NFE2L2: variants seen among roughly 807,000 people sequenced by gnomAD.
NFE2L2 encodes the protein nuclear factor erythroid 2-related factor 2.
In NFE2L2, 20 loss-of-function variants were observed where a neutral mutation model predicts 49.6. The observed-to-expected ratio is 0.40, with a 90% confidence interval of 0.28 to 0.59. The LOEUF is 0.59. Ranked by LOEUF, NFE2L2 falls within the 20% of genes least tolerant of loss-of-function variation. The pLI is 0.40. For missense variants in NFE2L2, 578 were observed against 714.2 expected (o/e 0.81, Z 2.17); for synonymous variants, 244 against 256.5 (o/e 0.95, Z 0.47).
intron 1 of NFE2L2, chr2:177,263,321 G>T (rs2105500587): frequency 1.0e-6 from 1 of 966,364 alleles, no homozygotes; most frequent in Non-Finnish European, 1.2e-6. Context: ...AAAGTACTCA[G>T]GGGAGAAATA....
At chr2:177,243,104 G>C (rs1027014903) in intron 1 of NFE2L2, among the ~76,000 whole-genome samples, 1 of 152,148 alleles carries the variant, frequency 6.6e-6, no homozygotes, top group African/African-American at 2.4e-5. Context: ...CCTCCACAGA[G>C]AGGAACTTCT....
chr2:177,258,420 A>T (rs1690609768), intron 1 of NFE2L2, among the ~76,000 whole-genome samples: 1 of 152,190 alleles, frequency 6.6e-6, no homozygotes, highest in South Asian at 2.1e-4. Flanking sequence ...AAAATAACTG[A>T]GTAGTTACCA....
chr2:177,256,164 C>T (rs1168059961), intron 1 of NFE2L2, among the ~76,000 whole-genome samples: 1 of 152,110 alleles, frequency 6.6e-6, no homozygotes, highest in Non-Finnish European at 1.5e-5. Flanking sequence ...AGTCAGCCCT[C>T]AAACACCTCA....
intron 1 of NFE2L2, 85 bp downstream of exon 1, chr2:177,264,447 C>T: frequency 4.3e-6 from 6 of 1,397,232 alleles, no homozygotes; most frequent in Middle Eastern, 2.3e-4. Context: ...AAGCCGGTTG[C>T]GGCTGTCCCT....
At chr2:177,247,336 C>T (rs967003266) in intron 1 of NFE2L2, among the ~76,000 whole-genome samples, 6 of 151,952 alleles carry the variant, frequency 3.9e-5, no homozygotes, top group Non-Finnish European at 7.4e-5. Flanking sequence ...GGGCCCTTCC[C>T]ACTATCTCTT....
intron 1 of NFE2L2, among the ~76,000 whole-genome samples, chr2:177,249,548 A>T (rs935517495): frequency 6.6e-6 from 1 of 152,272 alleles, no homozygotes; most frequent in African/African-American, 2.4e-5. Context: ...CTAAAGCAGC[A>T]CTAATAGAAA....
chr2:177,235,947 G>C (rs1689735073), intron 1 of NFE2L2, among the ~76,000 whole-genome samples: 2 of 152,108 alleles, frequency 1.3e-5, no homozygotes, highest in South Asian at 4.1e-4. Flanking sequence ...TTTAGTCTTT[G>C]GAAAAATCTA....
intron 1 of NFE2L2, among the ~76,000 whole-genome samples, chr2:177,247,339 TA>T (rs1362331452): frequency 2.0e-5 from 3 of 151,956 alleles, no homozygotes; most frequent in African/African-American, 7.2e-5. Context: ...CCCTTCCCAC[TA>T]TCTCTTAACA....
In NFE2L2 at chr2:177,244,367, C is replaced by T. The variant is rs149487711; in HGVS notation, c.46-10096G>A. Among the ~76,000 whole-genome samples the T allele has an allele frequency of 3.0e-3, 454 of 151,932 alleles. 8 individuals carry two copies. The East Asian group carries it at 0.046, about 15-fold the overall frequency. On this transcript the variant is annotated intron_variant, in intron 1 of 4. Transcript: ENST00000397062. Reference sequence around the variant, plus strand: ...TTATAAAGGTAGTAGTCAAGATCAACAAGATTAGTGTAAATACCCTAAGTG... The same window carrying T: ...TTATAAAGGTAGTAGTCAAGATCAATAAGATTAGTGTAAATACCCTAAGTG...
chr2:177,238,971 C>T (rs2105466372), intron 1 of NFE2L2, among the ~76,000 whole-genome samples: 1 of 152,260 alleles, frequency 6.6e-6, no homozygotes, highest in East Asian at 1.9e-4. Context: ...TGCATACACT[C>T]TAATATAAAT....
At chr2:177,242,758 G>C (rs571503540) in intron 1 of NFE2L2, among the ~76,000 whole-genome samples, 1 of 152,294 alleles carries the variant, frequency 6.6e-6, no homozygotes, top group East Asian at 1.9e-4. Context: ...ATTTTCTCAA[G>C]AGGCACATGC....
rs151304786 is a variant in NFE2L2 at position 177,245,915 on chromosome 2, T to G, written c.46-11644A>C. 6.7e-4 allele frequency among the ~76,000 whole-genome samples: 102 copies of G among 152,278 alleles called. 1 individual carries two copies. Among genetic ancestry groups the G allele is most frequent in the African/African-American group, 2.4e-3 (98 of 41,540 alleles). ...ATGAGCCACTGCGTCCAGCCTGTAA[T>G]CTTCATTTCTAGATGAACACGTTGA... On this transcript the variant is annotated intron_variant, in intron 1 of 4. Transcript: ENST00000397062.
intron 2 of NFE2L2, 170 bp from the exon 3 acceptor site, chr2:177,233,509 CA>C: frequency 1.7e-6 from 1 of 595,810 alleles, no homozygotes; most frequent in Non-Finnish European, 2.9e-6. Context: ...CACATGGGTT[CA>C]GATCTTAGCT....
intron 1 of NFE2L2, among the ~76,000 whole-genome samples, chr2:177,249,915 T>G (rs1030782634): frequency 6.6e-6 from 1 of 152,204 alleles, no homozygotes; most frequent in African/African-American, 2.4e-5. Flanking sequence ...TGAGGGACAG[T>G]GCAGTATAAA....
At chr2:177,252,254 C>T (rs1690369126) in intron 1 of NFE2L2, among the ~76,000 whole-genome samples, 1 of 152,116 alleles carries the variant, frequency 6.6e-6, no homozygotes, top group African/African-American at 2.4e-5. Flanking sequence ...TACTCCTCAC[C>T]TCACAGGGCG....
intron 1 of NFE2L2, among the ~76,000 whole-genome samples, chr2:177,242,421 C>A (rs374242757): frequency 6.6e-6 from 1 of 152,152 alleles, no homozygotes; most frequent in Non-Finnish European, 1.5e-5. Flanking sequence ...ATAAAAAAGC[C>A]CAAATACACA....
chr2:177,264,544 G>A lies in NFE2L2; in HGVS notation c.33C>T (p.Leu11=), dbSNP rs1351768579. The stretch of plus-strand genomic sequence containing the variant: ...GCCGAGGCAGCACCTGCTGGGACGG[G>A]AGTCCCGGCGGCGGCAGCTCCAAGT... MMDLELPPPG[L]PSQQDMDLID... Residue 11 remains leucine, a synonymous_variant, in exon 1 of 5, where the codon CTC becomes CTT. Coordinates refer to ENST00000397062, the MANE Select transcript of NFE2L2 (RefSeq NM_006164.5). 4 of 1,522,376 alleles carry A rather than the reference G, an allele frequency of 2.6e-6. No individual in the cohort carries two copies. The highest frequency in any genetic ancestry group is 2.6e-6 in the Non-Finnish European group (3 of 1,133,994). 94.3% of individuals were successfully genotyped at this position (1,522,376 alleles called of 1,614,324 possible).
At position 177,249,454 on chromosome 2, in the gene NFE2L2, A is replaced by C. The variant is rs1488749935; in HGVS notation, c.45+15078T>G. Among the ~76,000 whole-genome samples, 3 of 152,158 alleles carry C rather than the reference A, an allele frequency of 2.0e-5. No individual in the cohort carries two copies. The East Asian group carries it at 5.8e-4, about 29-fold the overall frequency. On this transcript the variant is annotated intron_variant, in intron 1 of 4. Coordinates refer to ENST00000397062, the MANE Select transcript of NFE2L2 (RefSeq NM_006164.5). ...GTTGGAGCTGGATTAGGTGACCCCC[A>C]AGATCCTTTCCTCTAAATACCTCTG... is the stretch of plus-strand genomic sequence containing the variant.
chr2:177,263,448 T>C (rs763552029), intron 1 of NFE2L2: 4 of 985,366 alleles, frequency 4.1e-6, no homozygotes, highest in Admixed American at 6.1e-5. Context: ...CATTTTGGAA[T>C]TGCAATTCTG....
Sources: gnomAD v4.1 joint callset for allele counts (sites outside exome capture counted in the v4.1 genomes callset) on GRCh38, gnomAD v4.1.1 for gene constraint, MANE v1.5 for transcripts, NCBI Gene and HGNC (gene_info 2026-07-23, HGNC 2026-07-21) for gene names.